Variants in ZC3H4 observed in about 807,000 individuals in gnomAD.
ZC3H4 encodes zinc finger CCCH domain-containing protein 4.
ZC3H4 carries 13 observed loss-of-function variants against 108.3 expected under a neutral mutation model. The observed-to-expected ratio is 0.12, with a 90% confidence interval of 0.08 to 0.19. The LOEUF is 0.19. Among genes scored for constraint, ZC3H4 ranks in the 10% least tolerant of loss-of-function variants. The pLI is 1.00. For synonymous variants in ZC3H4, 917 were observed against 749.6 expected, an observed-to-expected ratio of 1.22 and a Z score of -3.65; for missense variants, 1,734 against 1,838.8, an observed-to-expected ratio of 0.94 and a Z score of 1.04.
At chr19:47,089,456 C>T (rs1414212299) in intron 5 of ZC3H4, among the ~76,000 whole-genome samples, 3 of 152,158 alleles carry the variant, frequency 2.0e-5, no homozygotes, top group Admixed American at 6.5e-5. Context: ...GGATTACAGG[C>T]ATGGGCCACT....
chr19:47,071,491 C>A (rs969845244), intron 13 of ZC3H4, among the ~76,000 whole-genome samples: 1 of 152,166 alleles, frequency 6.6e-6, no homozygotes, highest in Non-Finnish European at 1.5e-5. Context: ...GCCTCTCAGC[C>A]TCACACCCTT....
At position 47,067,544 on chromosome 19, in the gene ZC3H4, G is replaced by A; in HGVS notation, c.2724C>T (p.Ser908=). The A allele has an allele frequency of 6.2e-7, 1 of 1,600,818 alleles. No individual in the cohort carries two copies. Among genetic ancestry groups the A allele is most frequent in the Non-Finnish European group, 8.5e-7 (1 of 1,173,638 alleles). ...CCTTGGAACTGCTGGGGCCCACAGG[G>A]CTGGAATGAAGGCTGCCTTCGGGCT... ...TSKPEGSLHS[S]PVGPSSSKGS... Residue 908 remains serine (S), a synonymous_variant, in exon 15 of 15, where the codon AGC becomes AGT. Transcript: ENST00000253048. This position sits in a 1 kb window ranked among gnomAD's most constrained non-coding sequence, Gnocchi z 6.4.
intron 2 of ZC3H4, among the ~76,000 whole-genome samples, chr19:47,101,511 G>A (rs576010895): frequency 6.6e-6 from 1 of 152,174 alleles, no homozygotes; most frequent in South Asian, 2.1e-4. Flanking sequence ...TTAGAGGCAT[G>A]AGCCATTGCA....
chr19:47,105,209 T>A (rs956476307), intron 2 of ZC3H4, among the ~76,000 whole-genome samples: 1 of 152,102 alleles, frequency 6.6e-6, no homozygotes, highest in Non-Finnish European at 1.5e-5. Context: ...GCATACCATA[T>A]CACGTGGTGG....
intron 2 of ZC3H4, chr19:47,096,971 C>T (rs1333177972): frequency 2.0e-6 from 2 of 985,306 alleles, no homozygotes. Context: ...AGGCCTCCTT[C>T]CCTGTCCTGA....
intron 11 of ZC3H4, among the ~76,000 whole-genome samples, chr19:47,078,900 G>A (rs977209495): frequency 3.3e-5 from 5 of 151,646 alleles, no homozygotes; most frequent in South Asian, 4.2e-4. Flanking sequence ...GGTGGTGGGC[G>A]CCTGTAATCC....
intron 2 of ZC3H4, among the ~76,000 whole-genome samples, chr19:47,109,840 C>T (rs2058015127): frequency 6.6e-6 from 1 of 152,176 alleles, no homozygotes; most frequent in Non-Finnish European, 1.5e-5. Context: ...AATGCAACTT[C>T]AACGTGTTTT....
chr19:47,087,872 TC>T (rs555294573), intron 5 of ZC3H4, among the ~76,000 whole-genome samples: 106 of 150,658 alleles, frequency 7.0e-4, no homozygotes, highest in African/African-American at 2.4e-3. Context: ...AGACTCTGTC[TC>T]AAAAAAAATA....
At position 47,071,821 on chromosome 19, in the gene ZC3H4, C is replaced by A; in HGVS notation, c.2103G>T (p.Gln701His). The A allele has an allele frequency of 6.2e-7, 1 of 1,613,494 alleles. No individual in the cohort carries two copies. Among genetic ancestry groups the A allele is most frequent in the Non-Finnish European group, 8.5e-7 (1 of 1,179,868 alleles). Residue 701 changes from glutamine to histidine, a missense_variant, in exon 13 of 15, where the codon CAG becomes CAT. By Grantham distance (24) the Gln-to-His change is conservative. Coordinates refer to ENST00000253048, the MANE Select transcript of ZC3H4 (RefSeq NM_015168.2). ...CGGGCTCCATCTCCATGCCCTCCTGCTGCTGGTAGAAGTTTTCATAGAAGT... is the reference window on the plus strand; with the variant it reads ...CGGGCTCCATCTCCATGCCCTCCTGATGCTGGTAGAAGTTTTCATAGAAGT... ...AQNFYENFYQ[Q>H]QEGMEMEPGL...
intron 11 of ZC3H4, among the ~76,000 whole-genome samples, chr19:47,074,565 A>G (rs1055760780): frequency 1.3e-5 from 2 of 152,212 alleles, no homozygotes; most frequent in Non-Finnish European, 2.9e-5. Flanking sequence ...GGGAAGCTGC[A>G]TTTTGGGAGG....
chr19:47,090,368 T>A (rs1197006105), intron 4 of ZC3H4, among the ~76,000 whole-genome samples, 179 bp from the exon 5 acceptor site: 3 of 151,660 alleles, frequency 2.0e-5, no homozygotes, highest in African/African-American at 4.9e-5. Context: ...GGAGTGGGAG[T>A]AGCAGCGGGC....
Position 47,090,304 on chromosome 19 carries a change from C to T in ZC3H4, c.493-115G>A, listed in dbSNP as rs2057709457. The T allele has an allele frequency of 3.4e-6, 4 of 1,169,762 alleles. No homozygotes were observed. In the Admixed American group the frequency reaches 6.5e-5, roughly 19 times the overall value. 72.5% of individuals were successfully genotyped at this position (1,169,762 alleles called of 1,614,324 possible). A position where few individuals can be genotyped will look rare whatever the true frequency, so the allele number is the denominator to read the frequency against. ...ATGTCTGTCTGGGTGTCACTACTGT[C>T]CCAGGGTTGCACTGCTGGTCTCCAG... On this transcript the variant is annotated intron_variant, in intron 4 of 14. Transcript: ENST00000253048.
intron 3 of ZC3H4, 99 bp from the exon 4 acceptor site, chr19:47,094,179 C>A (rs2057784560): frequency 3.2e-6 from 4 of 1,260,844 alleles, no homozygotes; most frequent in African/African-American, 1.5e-5. Flanking sequence ...TGCCGCAGGG[C>A]TCTGCGCTTC....
intron 4 of ZC3H4, among the ~76,000 whole-genome samples, chr19:47,091,074 T>C (rs1482325054): frequency 1.3e-5 from 2 of 150,480 alleles, no homozygotes; most frequent in African/African-American, 2.5e-5. Context: ...AGACGCGAAA[T>C]GCGATCTCTA....
At chr19:47,074,648 G>A (rs549728121) in intron 11 of ZC3H4, among the ~76,000 whole-genome samples, 1 of 152,340 alleles carries the variant, frequency 6.6e-6, no homozygotes, top group East Asian at 1.9e-4. Context: ...TGCAGTTTGT[G>A]CTGAATGCCT....
At chr19:47,089,518 G>C (rs1158622269) in intron 5 of ZC3H4, among the ~76,000 whole-genome samples, 1 of 152,192 alleles carries the variant, frequency 6.6e-6, no homozygotes, top group African/African-American at 2.4e-5. Flanking sequence ...CGTGTCTCTG[G>C]TGCTCAAGCC....
At chr19:47,084,267 C>T in intron 9 of ZC3H4, 78 bp downstream of exon 9, 1 of 1,405,874 alleles carries the variant, frequency 7.1e-7, no homozygotes, top group Non-Finnish European at 1.0e-6. Flanking sequence ...CTCACCACGG[C>T]TCCAGAACCT....
At position 47,100,824 on chromosome 19, in the gene ZC3H4, G is replaced by A. The variant is rs529530397; in HGVS notation, c.162-6216C>T. On this transcript the variant is annotated intron_variant, in intron 2 of 14. Transcript: ENST00000253048. ...AGTGATTCTCATTCCTCAGCCTCCT[G>A]AGTACTGGGATTACTGACACCTGCC... Among the ~76,000 whole-genome samples, 53 of 151,962 alleles carry A rather than the reference G, an allele frequency of 3.5e-4. 1 individual carries two copies. The South Asian group carries it at 0.011, about 30-fold the overall frequency.
At chr19:47,078,365 T>C (rs565726900) in intron 11 of ZC3H4, among the ~76,000 whole-genome samples, 19 of 151,350 alleles carry the variant, frequency 1.3e-4, no homozygotes, top group Non-Finnish European at 2.6e-4. Flanking sequence ...ACACCTGTAA[T>C]CCCGGCACTT....
Sources: gnomAD v4.1 joint callset for allele counts (sites outside exome capture counted in the v4.1 genomes callset) on GRCh38, gnomAD v4.1.1 for gene constraint, Gnocchi (gnomAD v3.1) non-coding constraint, MANE v1.5 for transcripts, NCBI Gene and HGNC (gene_info 2026-07-23, HGNC 2026-07-21) for gene names.